GPR180: variants seen among roughly 807,000 people sequenced by gnomAD.
GPR180 encodes integral membrane protein GPR180.
GPR180 carries 53 observed loss-of-function variants against 52.6 expected under a neutral mutation model. That is an observed-to-expected ratio of 1.01 (90% CI 0.81 to 1.27). GPR180 has a LOEUF of 1.27. Among genes scored for constraint, GPR180 ranks in the 50% most tolerant of loss-of-function variants. The pLI is 0.00. For synonymous variants in GPR180, 200 were observed against 193.1 expected (o/e 1.04, Z -0.30); for missense variants, 533 against 527.0 (o/e 1.01, Z -0.11).
intron 5 of GPR180, 69 bp from the exon 6 acceptor site, chr13:94,621,009 C>A (rs2138566845): frequency 1.5e-6 from 2 of 1,331,412 alleles, no homozygotes; most frequent in Non-Finnish European, 2.0e-6. Context: ...AAGATGTTCT[C>A]AATGCAAAAA....
chr13:94,615,556 A>C (rs1190819357), intron 3 of GPR180, among the ~76,000 whole-genome samples: 1 of 152,232 alleles, frequency 6.6e-6, no homozygotes, highest in Non-Finnish European at 1.5e-5. Flanking sequence ...AAGTCAGGCA[A>C]GTGTGATGCC....
chr13:94,617,595 A>G (rs769830509), intron 3 of GPR180, among the ~76,000 whole-genome samples: 3 of 152,202 alleles, frequency 2.0e-5, no homozygotes, highest in Non-Finnish European at 4.4e-5. Flanking sequence ...TGGCAGAAAT[A>G]CTTTTTGCTG....
Position 94,621,170 on chromosome 13 carries a change from A to G in GPR180, c.829A>G (p.Arg277Gly), listed in dbSNP as rs1365504879. The change falls in exon 6 of 9, where the codon AGA becomes GGA. Residue 277 changes from arginine (R) to glycine (G), a missense_variant. By Grantham distance (125) the Arg-to-Gly change is moderately radical. Transcript: ENST00000376958. The part of the protein sequence containing the change: ...TIVRMKKSQS[R>G]PLQWDSTPAS... ...AGTCAGAATGAAGAAGTCTCAAAGC[A>G]GACCTCTCCAGTGGGATTCTACGCC... 14 of 1,612,380 alleles carry G rather than the reference A, an allele frequency of 8.7e-6. No individual in the cohort carries two copies. In the East Asian group the frequency reaches 2.9e-4, roughly 33 times the overall value.
At chr13:94,626,083 A>G in intron 8 of GPR180, 40 bp downstream of exon 8, 1 of 1,353,552 alleles carries the variant, frequency 7.4e-7, no homozygotes. Flanking sequence ...TCTTAATGAA[A>G]ATATTGTCTT....
rs1337774795 is a variant in GPR180 at position 94,619,510 on chromosome 13, G to A, written c.729G>A (p.Leu243=). ...DGIGVPFMGS[L]AEFFDIASQI... ...TAGGGGTACCATTTATGGGAAGTTT[G>A]GCAGAATGTGAGTATCTTTCTGAGC... Residue 243 remains leucine, a synonymous_variant, in exon 5 of 9, where the codon TTG becomes TTA. Coordinates refer to ENST00000376958, the MANE Select transcript of GPR180 (RefSeq NM_180989.6). 6.2e-7 allele frequency: 1 copy of A among 1,612,484 alleles called. No homozygotes were observed. Among genetic ancestry groups the A allele is most frequent in the Non-Finnish European group, 8.5e-7 (1 of 1,179,056 alleles).
chr13:94,611,947 T>C (rs946157039), intron 2 of GPR180, among the ~76,000 whole-genome samples: 7 of 152,134 alleles, frequency 4.6e-5, no homozygotes, highest in Non-Finnish European at 1.0e-4. Flanking sequence ...TGGTGTTTTA[T>C]AGTCATACTT....
At position 94,602,044 on chromosome 13, in the gene GPR180, C is replaced by A; in HGVS notation, c.117C>A (p.Gly39=). The A allele has an allele frequency of 6.9e-7, 1 of 1,441,990 alleles. No individual in the cohort carries two copies. The highest frequency in any genetic ancestry group is 1.4e-5 in the South Asian group (1 of 70,154). 89.3% of individuals were successfully genotyped at this position (1,441,990 alleles called of 1,614,324 possible). A position where few individuals can be genotyped will look rare whatever the true frequency, so the allele number is the denominator to read the frequency against. Residue 39 remains glycine (G), a synonymous_variant, in exon 1 of 9, where the codon GGC becomes GGA. Transcript: ENST00000376958. ...FSSTAAQDAQ[G]QRIGHFEFHG... ...GCACCGCGGCCCAGGACGCCCAGGGCCAGCGCATCGGCCACTTCGAGTTCC... is the reference window on the plus strand; with the variant it reads ...GCACCGCGGCCCAGGACGCCCAGGGACAGCGCATCGGCCACTTCGAGTTCC...
rs1890000854 is a variant in GPR180 at position 94,631,688 on chromosome 13, A to T, written c.*4517A>T. ...CTGAAAAAGTTCCAAATCTGTACTT[A>T]ACAGTGTAGTATTAATTATGTAATA... On this transcript the variant is annotated 3_prime_UTR_variant, in exon 9 of 9. Transcript: ENST00000376958. The T allele has an allele frequency of 6.6e-6, 1 of 150,702 alleles. No individual in the cohort carries two copies. 9.3% of individuals were successfully genotyped at this position (150,702 alleles called of 1,614,324 possible).
At chr13:94,603,600 A>G (rs147093077) in intron 1 of GPR180, among the ~76,000 whole-genome samples, 130 of 152,352 alleles carry the variant, frequency 8.5e-4, no homozygotes, top group Admixed American at 1.4e-3. Context: ...TACAGTGTCA[A>G]TTGGGCCTCA....
At chr13:94,618,419 G>GGTTTTTTT (rs1566980109) in intron 3 of GPR180, among the ~76,000 whole-genome samples, 1 of 72,978 alleles carries the variant, frequency 1.4e-5, no homozygotes, top group African/African-American at 1.2e-4. Context: ...ATCAGCACAG[G>GGTTTTTTT]ATTTTTTTTT....
rs552446465 is a variant in GPR180 at position 94,632,650 on chromosome 13, G to T, written c.*5479G>T. On this transcript the variant is annotated 3_prime_UTR_variant, in exon 9 of 9. Transcript: ENST00000376958. The stretch of plus-strand genomic sequence containing the variant: ...CAAAATGCCTCCACTCCAGGTTCCA[G>T]GTCTAGATCCTTGGGATTTTCTAGG... 4 of 152,264 alleles carry T rather than the reference G, an allele frequency of 2.6e-5. No individual in the cohort carries two copies. Among genetic ancestry groups the T allele is most frequent in the African/African-American group, 9.6e-5 (4 of 41,546 alleles). 9.4% of individuals were successfully genotyped at this position (152,264 alleles called of 1,614,324 possible).
Position 94,619,331 on chromosome 13 carries a change from G to C in GPR180, c.686+1G>C, listed in dbSNP as rs138676753. 6 of 1,613,448 alleles carry C rather than the reference G, an allele frequency of 3.7e-6. No individual in the cohort carries two copies. Among genetic ancestry groups the C allele is most frequent in the Admixed American group, 1.7e-5 (1 of 59,962 alleles). ...TAGCTAATTACATTCATTTCTCCAGGTAACTCAAAACCACTAAAACTGTGT... is the reference window on the plus strand; with the variant it reads ...TAGCTAATTACATTCATTTCTCCAGCTAACTCAAAACCACTAAAACTGTGT... On this transcript the variant is annotated splice_donor_variant, in intron 4 of 8. Transcript: ENST00000376958. LOFTEE classifies it high-confidence loss of function.
At chr13:94,606,013 C>A (rs1395732298) in intron 2 of GPR180, among the ~76,000 whole-genome samples, 1 of 152,146 alleles carries the variant, frequency 6.6e-6, no homozygotes, top group Non-Finnish European at 1.5e-5. Flanking sequence ...CTTTGACAGC[C>A]AGGTGCAGTG....
rs1889986604 is a variant in GPR180, at chr13:94,630,929, A to C, written c.*3758A>C. The C allele has an allele frequency of 6.6e-6, 1 of 152,316 alleles. No homozygotes were observed. The highest frequency in any genetic ancestry group is 1.5e-5 in the Non-Finnish European group (1 of 68,086). The allele number at this position is 152,316 out of a possible 1,614,324, so 9.4% of individuals were successfully genotyped here. On this transcript the variant is annotated 3_prime_UTR_variant, in exon 9 of 9. Transcript: ENST00000376958. ...GTTTGATACAAGATATAGAAGGCAG[A>C]AGTAAAGTAGCAGCCAGATCTGCAT...
chr13:94,619,586 T>C, intron 5 of GPR180, 69 bp downstream of exon 5: 2 of 1,304,854 alleles, frequency 1.5e-6, no homozygotes, highest in Non-Finnish European at 2.2e-6. Context: ...TTATTTCTTG[T>C]CATAGTATAA....
intron 1 of GPR180, among the ~76,000 whole-genome samples, chr13:94,602,282 G>C (rs1417478645): frequency 6.6e-6 from 1 of 152,222 alleles, no homozygotes; most frequent in Non-Finnish European, 1.5e-5. Flanking sequence ...CCAGCCCCAG[G>C]CAGCGGCCTC....
At position 94,602,060 on chromosome 13, in the gene GPR180, T is replaced by C; in HGVS notation, c.133T>C (p.Phe45Leu). ...QDAQGQRIGH[F>L]EFHGDHALLC... Reference sequence around the variant, plus strand: ...CGCCCAGGGCCAGCGCATCGGCCACTTCGAGTTCCATGGTAGGTCTGGGGG... The same window carrying C: ...CGCCCAGGGCCAGCGCATCGGCCACCTCGAGTTCCATGGTAGGTCTGGGGG... The change falls in exon 1 of 9, where the codon TTC becomes CTC. Residue 45 changes from phenylalanine (F) to leucine (L), a missense_variant. By Grantham distance (22) the Phe-to-Leu change is conservative (BLOSUM62 0). Coordinates refer to ENST00000376958, the MANE Select transcript of GPR180 (RefSeq NM_180989.6). 1 of 1,399,548 alleles carries C rather than the reference T, an allele frequency of 7.1e-7. No homozygotes were observed. The highest frequency in any genetic ancestry group is 9.3e-7 in the Non-Finnish European group (1 of 1,072,504). 86.7% of individuals were successfully genotyped at this position (1,399,548 alleles called of 1,614,324 possible).
At chr13:94,619,359 A>C in intron 4 of GPR180, 29 bp downstream of exon 4, 1 of 1,609,760 alleles carries the variant, frequency 6.2e-7, no homozygotes, top group Non-Finnish European at 8.5e-7. Context: ...AACTGTGTTC[A>C]TCATTACATC....
chr13:94,625,577 G>C (rs545294696), intron 7 of GPR180, among the ~76,000 whole-genome samples: 1 of 152,104 alleles, frequency 6.6e-6, no homozygotes, highest in East Asian at 1.9e-4. Flanking sequence ...AATGTTTTTT[G>C]TGTATTTTTA....
Sources: allele counts gnomAD v4.1 joint callset (sites outside exome capture counted in the v4.1 genomes callset), GRCh38; gene constraint gnomAD v4.1.1; transcripts MANE v1.5; gene names NCBI Gene and HGNC (gene_info 2026-07-23, HGNC 2026-07-21).